Variants in ERBB4 observed in about 807,000 individuals in gnomAD.
ERBB4 encodes the protein receptor tyrosine-protein kinase erbB-4.
A neutral mutation model predicts 158.0 loss-of-function variants in ERBB4; 42 were observed. The ratio of observed to expected loss-of-function variants is 0.27; its 90% CI spans 0.21 to 0.34. The LOEUF is 0.34. ERBB4 is among the 10% of genes least tolerant of loss of function. The pLI, the probability that ERBB4 is intolerant of heterozygous loss-of-function variation, is 1.00. For synonymous variants in ERBB4, 583 were observed against 558.7 expected, an observed-to-expected ratio of 1.04 and a Z score of -0.61; for missense variants, 1,333 against 1,624.1, an observed-to-expected ratio of 0.82 and a Z score of 3.08.
At position 212,285,268 on chromosome 2, in the gene ERBB4, G is replaced by T. The variant is rs1247283947; in HGVS notation, c.83-160365C>A. 5.3e-5 allele frequency among the ~76,000 whole-genome samples: 8 copies of T among 151,984 alleles called. 1 individual carries two copies. The highest frequency in any genetic ancestry group is 1.3e-4 in the Admixed American group (2 of 15,226). Reference sequence around the variant, plus strand: ...AATGGCTCTCTTTCCATTTCCTCCTGGTAATTAACTCAGAAAGACATCCAT... The same window carrying T: ...AATGGCTCTCTTTCCATTTCCTCCTTGTAATTAACTCAGAAAGACATCCAT... On this transcript the variant is annotated intron_variant, in intron 1 of 27. Transcript: ENST00000342788.
At chr2:211,810,538 T>G (rs1189367918) in intron 3 of ERBB4, among the ~76,000 whole-genome samples, 2 of 152,210 alleles carry the variant, frequency 1.3e-5, no homozygotes, top group African/African-American at 4.8e-5. Context: ...GCTTTCCATT[T>G]GCTTGGTAGA....
At chr2:211,994,315 T>G (rs1218724643) in intron 2 of ERBB4, among the ~76,000 whole-genome samples, 2 of 151,862 alleles carry the variant, frequency 1.3e-5, no homozygotes, top group Non-Finnish European at 2.9e-5. Context: ...AAAAAAATTG[T>G]AGAGACACAG....
intron 20 of ERBB4, among the ~76,000 whole-genome samples, chr2:211,496,692 C>T (rs2065477719): frequency 6.6e-6 from 1 of 152,054 alleles, no homozygotes; most frequent in Non-Finnish European, 1.5e-5. Flanking sequence ...AATCTTAATA[C>T]AGAAGCCAAA....
intron 27 of ERBB4, among the ~76,000 whole-genome samples, chr2:211,384,472 A>C (rs1278722816): frequency 6.6e-6 from 1 of 152,196 alleles, no homozygotes; most frequent in Non-Finnish European, 1.5e-5. Context: ...TATTGAAAAA[A>C]CAAGAATCTA....
intron 20 of ERBB4, among the ~76,000 whole-genome samples, chr2:211,540,085 T>C (rs1021520015): frequency 6.6e-6 from 1 of 151,860 alleles, no homozygotes; most frequent in Admixed American, 6.6e-5. Context: ...ATCAAATCTA[T>C]TGCCTGTGTA....
intron 2 of ERBB4, among the ~76,000 whole-genome samples, chr2:212,086,610 T>C (rs1428323869): frequency 6.6e-6 from 1 of 152,024 alleles, no homozygotes; most frequent in African/African-American, 2.4e-5. Context: ...CAGACAATTT[T>C]CAAGTGGCTG....
intron 1 of ERBB4, among the ~76,000 whole-genome samples, chr2:212,363,115 G>T (rs1385682329): frequency 1.3e-5 from 2 of 151,324 alleles, no homozygotes; most frequent in South Asian, 4.2e-4. Flanking sequence ...TTTACATGAT[G>T]TAATATTACA....
In ERBB4 at chr2:212,083,571, C is replaced by G. The variant is rs965814496; in HGVS notation, c.234+41181G>C. 9.2e-5 allele frequency among the ~76,000 whole-genome samples: 14 copies of G among 151,666 alleles called. 1 individual carries two copies. The highest frequency in any genetic ancestry group is 3.4e-4 in the African/African-American group (14 of 41,326). ...GGCTGGAACATAAAATAAGACTACACGAGAGACTGCCCGCACTAAAAGGCA... is the reference window on the plus strand; with the variant it reads ...GGCTGGAACATAAAATAAGACTACAGGAGAGACTGCCCGCACTAAAAGGCA... On this transcript the variant is annotated intron_variant, in intron 2 of 27. Coordinates refer to ENST00000342788, the MANE Select transcript of ERBB4 (RefSeq NM_005235.3).
intron 5 of ERBB4, among the ~76,000 whole-genome samples, chr2:211,746,196 G>A (rs528312517): frequency 1.6e-3 from 241 of 152,058 alleles, no homozygotes; most frequent in African/African-American, 5.5e-3. Context: ...AGACAGGATT[G>A]CTTGAAGCCA....
At chr2:212,294,694 C>A (rs908149638) in intron 1 of ERBB4, among the ~76,000 whole-genome samples, 1 of 151,682 alleles carries the variant, frequency 6.6e-6, no homozygotes, top group African/African-American at 2.4e-5. Context: ...TTTAATACTG[C>A]CTAGAATTTT....
intron 1 of ERBB4, among the ~76,000 whole-genome samples, chr2:212,508,929 T>C (rs1691348911): frequency 6.6e-6 from 1 of 152,136 alleles, no homozygotes; most frequent in Admixed American, 6.5e-5. Context: ...TATACTTTCA[T>C]GTCTGCCAAA....
At chr2:212,377,241 A>T (rs1370220057) in intron 1 of ERBB4, among the ~76,000 whole-genome samples, 1 of 148,214 alleles carries the variant, frequency 6.7e-6, no homozygotes, top group African/African-American at 2.4e-5. Flanking sequence ...AAATAAAGTT[A>T]TATAAAATAT....
intron 1 of ERBB4, among the ~76,000 whole-genome samples, chr2:212,256,668 AAC>A (rs1389246788): frequency 6.6e-6 from 1 of 152,168 alleles, no homozygotes; most frequent in South Asian, 2.1e-4. Flanking sequence ...AGGTAAAACA[AAC>A]ACAGAGGATA....
At chr2:212,117,168 T>C (rs2079595128) in intron 2 of ERBB4, among the ~76,000 whole-genome samples, 1 of 152,212 alleles carries the variant, frequency 6.6e-6, no homozygotes, top group African/African-American at 2.4e-5. Flanking sequence ...GTTACAATAT[T>C]ATTCTCTCTG....
In ERBB4 at chr2:212,041,388, A is replaced by G. The variant is rs539964765; in HGVS notation, c.234+83364T>C. 1.9e-3 allele frequency among the ~76,000 whole-genome samples: 283 copies of G among 152,194 alleles called. 3 individuals are homozygous for G. The highest frequency in any genetic ancestry group is 6.5e-3 in the African/African-American group (271 of 41,554). On this transcript the variant is annotated intron_variant, in intron 2 of 27. Coordinates refer to ENST00000342788, the MANE Select transcript of ERBB4 (RefSeq NM_005235.3). Reference sequence around the variant, plus strand: ...CCATTGGTATTAAAATAAAAGGGAAAGTACTAATCCTCTATCAGAAGGAAC... The same window carrying G: ...CCATTGGTATTAAAATAAAAGGGAAGGTACTAATCCTCTATCAGAAGGAAC...
At chr2:211,481,487 A>G (rs2065081308) in intron 20 of ERBB4, among the ~76,000 whole-genome samples, 1 of 151,924 alleles carries the variant, frequency 6.6e-6, no homozygotes, top group South Asian at 2.1e-4. Context: ...GAGCTGAAGA[A>G]TTTGCCACTC....
intron 1 of ERBB4, among the ~76,000 whole-genome samples, chr2:212,510,952 A>G (rs974678452): frequency 2.0e-5 from 3 of 152,000 alleles, no homozygotes; most frequent in Admixed American, 2.0e-4. Flanking sequence ...TATAGCCAGT[A>G]AAATTATAAT....
intron 3 of ERBB4, among the ~76,000 whole-genome samples, chr2:211,820,672 C>T (rs2076975896): frequency 6.6e-6 from 1 of 151,786 alleles, no homozygotes; most frequent in South Asian, 2.1e-4. Flanking sequence ...CATAGACACA[C>T]ACACACAAAA....
At chr2:212,197,578 T>C (rs1190378443) in intron 1 of ERBB4, among the ~76,000 whole-genome samples, 1 of 152,206 alleles carries the variant, frequency 6.6e-6, no homozygotes, top group Non-Finnish European at 1.5e-5. Flanking sequence ...AATCAAGAAG[T>C]CTGTCTCTGA....
Sources: allele counts gnomAD v4.1 joint callset (sites outside exome capture counted in the v4.1 genomes callset), GRCh38; gene constraint gnomAD v4.1.1; transcripts MANE v1.5; gene names NCBI Gene and HGNC (gene_info 2026-07-23, HGNC 2026-07-21).